HCN1: variants seen among roughly 807,000 people sequenced by gnomAD.
The protein encoded by HCN1 is hyperpolarization activated cyclic nucleotide gated potassium channel 1.
HCN1 carries 13 observed loss-of-function variants against 78.9 expected under a neutral mutation model. The observed-to-expected ratio is 0.16, with a 90% CI of 0.11 to 0.26. The LOEUF is 0.26. Ranked by LOEUF, HCN1 falls within the 10% of genes least tolerant of loss-of-function variation. HCN1 has a pLI of 1.00. For synonymous variants in HCN1, 552 were observed against 455.5 expected (o/e 1.21, Z -2.70); for missense variants, 810 against 1,154.3 (o/e 0.70, Z 4.32).
At chr5:45,485,574 C>T (rs1044318518) in intron 2 of HCN1, among the ~76,000 whole-genome samples, 8 of 152,070 alleles carry the variant, frequency 5.3e-5, no homozygotes, top group Non-Finnish European at 7.4e-5. Context: ...GGGAAATACT[C>T]ATGGCTTATA....
At chr5:45,653,380 T>C (rs1428806413) in intron 1 of HCN1, among the ~76,000 whole-genome samples, 1 of 152,094 alleles carries the variant, frequency 6.6e-6, no homozygotes, top group Non-Finnish European at 1.5e-5. Context: ...GAACAGTGAA[T>C]ACTCTGCCAT....
intron 5 of HCN1, among the ~76,000 whole-genome samples, chr5:45,350,726 C>T (rs1330085881): frequency 1.9e-4 from 28 of 150,942 alleles, no homozygotes; most frequent in South Asian, 8.4e-4. Flanking sequence ...TCTTATACAC[C>T]AACAACAGAC....
intron 1 of HCN1, among the ~76,000 whole-genome samples, chr5:45,660,601 G>T (rs1440717506): frequency 6.6e-6 from 1 of 152,060 alleles, no homozygotes; most frequent in Non-Finnish European, 1.5e-5. Flanking sequence ...ATAAAAGCAT[G>T]GAAGAAGATC....
rs1747157776 is a variant in HCN1, at chr5:45,363,135, TATATATATACATATATA to T, written c.1231-9906_1231-9890del. Among the ~76,000 whole-genome samples, 3 of 110,438 alleles carry T rather than the reference TATATATATACATATATA, an allele frequency of 2.7e-5. 1 individual carries two copies. Among genetic ancestry groups the T allele is most frequent in the African/African-American group, 1.2e-4 (3 of 24,870 alleles). The allele number at this position is 110,438 out of a possible 152,430, so 72.5% of individuals were successfully genotyped here. A position where few individuals can be genotyped will look rare whatever the true frequency, so the allele number is the denominator to read the frequency against. On this transcript the variant is annotated intron_variant, in intron 4 of 7. Transcript: ENST00000303230. ...TACATATTATATATATAACATATTA[TATATATATACATATATA>T]TATATATATATATATATCTGAATAG...
chr5:45,561,598 G>T lies in HCN1; in HGVS notation c.849+83587C>A, dbSNP rs374886985. Among the ~76,000 whole-genome samples the T allele has an allele frequency of 4.9e-5, 7 of 142,168 alleles. No individual in the cohort carries two copies. The East Asian group carries it at 1.4e-3, about 29-fold the overall frequency. The allele number at this position is 142,168 out of a possible 152,430, so 93.3% of individuals were successfully genotyped here. ...TTTGTCCCTGGCTCCTGAGAAAAAA[G>T]AAAAAAAAAAAACCCAGGTAAGACG... On this transcript the variant is annotated intron_variant, in intron 2 of 7. Transcript: ENST00000303230.
chr5:45,513,722 T>C (rs1742464189), intron 2 of HCN1, among the ~76,000 whole-genome samples: 1 of 152,104 alleles, frequency 6.6e-6, no homozygotes, highest in Admixed American at 6.6e-5. Context: ...GGTGGAACAG[T>C]TTCATCCTGA....
intron 2 of HCN1, among the ~76,000 whole-genome samples, chr5:45,520,562 T>C (rs1406514580): frequency 6.6e-6 from 1 of 152,082 alleles, no homozygotes; most frequent in East Asian, 1.9e-4. Flanking sequence ...ATGTTCACTT[T>C]CCCTGACCCT....
At chr5:45,603,698 T>C (rs1744670966) in intron 2 of HCN1, among the ~76,000 whole-genome samples, 1 of 151,978 alleles carries the variant, frequency 6.6e-6, no homozygotes, top group Non-Finnish European at 1.5e-5. Flanking sequence ...CAGTAATCAA[T>C]TGTGGAGTGT....
At chr5:45,670,716 A>G (rs1746134668) in intron 1 of HCN1, among the ~76,000 whole-genome samples, 1 of 151,728 alleles carries the variant, frequency 6.6e-6, no homozygotes, top group Non-Finnish European at 1.5e-5. Flanking sequence ...CTGGGAAAAA[A>G]GTCGTATCTT....
At chr5:45,684,885 A>T (rs1024482849) in intron 1 of HCN1, among the ~76,000 whole-genome samples, 1 of 152,138 alleles carries the variant, frequency 6.6e-6, no homozygotes, top group South Asian at 2.1e-4. Context: ...ACAAAAAACT[A>T]ATCAAGTAAC....
Position 45,329,270 on chromosome 5 carries a change from C to T in HCN1, c.1377+23830G>A, listed in dbSNP as rs1036234380. Among the ~76,000 whole-genome samples, 53 of 151,634 alleles carry T rather than the reference C, an allele frequency of 3.5e-4. 2 individuals are homozygous for T. The highest frequency in any genetic ancestry group is 7.2e-5 in the African/African-American group (3 of 41,466). Reference sequence around the variant, plus strand: ...ATTAAAGAACTGCCACTTTCCTCCCCTTCCCCAGCCCCTGGTAACCTCTGT... The same window carrying T: ...ATTAAAGAACTGCCACTTTCCTCCCTTTCCCCAGCCCCTGGTAACCTCTGT... On this transcript the variant is annotated intron_variant, in intron 5 of 7. Coordinates refer to ENST00000303230, the MANE Select transcript of HCN1 (RefSeq NM_021072.4).
Position 45,255,719 on chromosome 5 carries a change from T to C in HCN1, c.*6202A>G, listed in dbSNP as rs1744595869. 1 of 152,258 alleles carries C rather than the reference T, an allele frequency of 6.6e-6. No homozygotes were observed. Among genetic ancestry groups the C allele is most frequent in the African/African-American group, 2.4e-5 (1 of 41,464 alleles). 9.4% of individuals were successfully genotyped at this position (152,258 alleles called of 1,614,324 possible). A position where few individuals can be genotyped will look rare whatever the true frequency, so the allele number is the denominator to read the frequency against. On this transcript the variant is annotated 3_prime_UTR_variant, in exon 8 of 8. Coordinates refer to ENST00000303230, the MANE Select transcript of HCN1 (RefSeq NM_021072.4). The stretch of plus-strand genomic sequence containing the variant: ...ATTTGGAAAACTCTTTTTGAATCTT[T>C]CAAATTTCTTTGGGTTATGTTCTTT...
chr5:45,683,897 C>T (rs960287194), intron 1 of HCN1, among the ~76,000 whole-genome samples: 5 of 152,036 alleles, frequency 3.3e-5, no homozygotes, highest in African/African-American at 1.2e-4. Flanking sequence ...TCTGAAACTC[C>T]TGAGCTCAAG....
chr5:45,499,995 TA>T, intron 2 of HCN1, among the ~76,000 whole-genome samples: 1 of 152,168 alleles, frequency 6.6e-6, no homozygotes, highest in Middle Eastern at 3.4e-3. Flanking sequence ...TGAAATAAAT[TA>T]AAGATTCTAG....
Position 45,607,254 on chromosome 5 carries a change from G to C in HCN1, c.849+37931C>G, listed in dbSNP as rs981901719. Among the ~76,000 whole-genome samples, 11 of 151,744 alleles carry C rather than the reference G, an allele frequency of 7.2e-5. No homozygotes were observed. The South Asian group carries it at 1.9e-3, about 26-fold the overall frequency. ...AATGGGACATTATCAAGGAAGAAAG[G>C]CATTTAATTTAAAAATACCTTTTTT... On this transcript the variant is annotated intron_variant, in intron 2 of 7. Transcript: ENST00000303230.
chr5:45,622,537 G>A (rs994470814), intron 2 of HCN1, among the ~76,000 whole-genome samples: 1 of 152,102 alleles, frequency 6.6e-6, no homozygotes, highest in African/African-American at 2.4e-5. Flanking sequence ...CAGCTGGAGA[G>A]AGAGAGACAA....
chr5:45,346,403 A>G (rs1579827588), intron 5 of HCN1, among the ~76,000 whole-genome samples: 2 of 152,318 alleles, frequency 1.3e-5, no homozygotes, highest in South Asian at 2.1e-4. Context: ...CTGAATAGGA[A>G]CAGCTCTGGT....
chr5:45,608,626 A>C (rs759951344), intron 2 of HCN1, among the ~76,000 whole-genome samples: 2 of 152,032 alleles, frequency 1.3e-5, no homozygotes, highest in African/African-American at 2.4e-5. Flanking sequence ...ATGTTTACAC[A>C]GTATATGAAA....
chr5:45,467,316 C>T (rs1163846970), intron 2 of HCN1, among the ~76,000 whole-genome samples: 1 of 152,090 alleles, frequency 6.6e-6, no homozygotes, highest in Non-Finnish European at 1.5e-5. Flanking sequence ...TCACTGCCCT[C>T]TGACAACGTC....
Sources: allele counts gnomAD v4.1 joint callset (sites outside exome capture counted in the v4.1 genomes callset), GRCh38; gene constraint gnomAD v4.1.1; transcripts MANE v1.5; gene names NCBI Gene and HGNC (gene_info 2026-07-23, HGNC 2026-07-21).